SUMF1: variants seen among roughly 807,000 people sequenced by gnomAD.
SUMF1 encodes the protein formylglycine-generating enzyme.
In SUMF1, 48 loss-of-function variants were observed where a neutral mutation model predicts 47.6. That is an observed-to-expected ratio of 1.01 (90% CI 0.80 to 1.28). SUMF1 has a LOEUF of 1.28. Ranked by LOEUF, SUMF1 falls within the 50% of genes most tolerant of loss-of-function variation. The pLI, the probability that SUMF1 is intolerant of heterozygous loss-of-function variation, is 0.00. For missense variants in SUMF1, 571 were observed against 485.4 expected, an observed-to-expected ratio of 1.18 and a Z score of -1.66; for synonymous variants, 230 against 192.1, an observed-to-expected ratio of 1.20 and a Z score of -1.63.
chr3:4,277,413 G>C (rs562455395), intron 8 of SUMF1, among the ~76,000 whole-genome samples: 3 of 152,092 alleles, frequency 2.0e-5, no homozygotes, highest in African/African-American at 7.2e-5. Flanking sequence ...TTGGATCAAA[G>C]GAGAAAGATT....
At chr3:4,411,665 C>G (rs1451449600) in intron 6 of SUMF1, among the ~76,000 whole-genome samples, 16 of 145,110 alleles carry the variant, frequency 1.1e-4, no homozygotes. Flanking sequence ...AAACACAGGA[C>G]CAAAGTGCAG....
chr3:4,065,962 G>A (rs557372089), intron 9 of SUMF1, among the ~76,000 whole-genome samples: 13 of 152,172 alleles, frequency 8.5e-5, no homozygotes, highest in Admixed American at 2.0e-4. Flanking sequence ...CTGCTCACCC[G>A]CTGTCTGATC....
At chr3:4,275,132 A>G (rs929801722) in intron 8 of SUMF1, among the ~76,000 whole-genome samples, 2 of 152,168 alleles carry the variant, frequency 1.3e-5, no homozygotes. Flanking sequence ...TCTTTTCTTT[A>G]TAGTCTGCCC....
intron 3 of SUMF1, among the ~76,000 whole-genome samples, chr3:4,426,728 A>G (rs1702080672): frequency 6.6e-6 from 1 of 152,330 alleles, no homozygotes; most frequent in East Asian, 1.9e-4. Context: ...ATAAACCTCA[A>G]CCTAAAAAGA....
intron 8 of SUMF1, among the ~76,000 whole-genome samples, chr3:4,319,256 A>G (rs1417874264): frequency 6.6e-6 from 1 of 152,204 alleles, no homozygotes. Context: ...TGCTCCTGTT[A>G]CCAAAATGAC....
intron 8 of SUMF1, among the ~76,000 whole-genome samples, chr3:4,363,328 AG>A (rs2125179762): frequency 6.6e-6 from 1 of 152,326 alleles, no homozygotes; most frequent in South Asian, 2.1e-4. Flanking sequence ...AACATAGGAA[AG>A]GCTGTGGGAC....
chr3:4,280,571 T>G (rs1697507619), intron 8 of SUMF1, among the ~76,000 whole-genome samples: 1 of 151,974 alleles, frequency 6.6e-6, no homozygotes, highest in Non-Finnish European at 1.5e-5. Context: ...AGATGAAAAT[T>G]TAAAAGGTTT....
intron 8 of SUMF1, among the ~76,000 whole-genome samples, chr3:4,080,821 G>A (rs923669345): frequency 1.8e-4 from 28 of 152,034 alleles, no homozygotes; most frequent in African/African-American, 6.5e-4. Context: ...CAAATTTCAC[G>A]AAGACTTTCC....
chr3:4,358,061 C>G (rs1226575406), downstream of SUMF1, among the ~76,000 whole-genome samples: 1 of 152,054 alleles, frequency 6.6e-6, no homozygotes, highest in Non-Finnish European at 1.5e-5. Context: ...GCATTTTAAG[C>G]TGTAGGTTGA....
chr3:4,420,561 G>A (rs563514529), intron 3 of SUMF1, among the ~76,000 whole-genome samples: 40 of 151,876 alleles, frequency 2.6e-4, no homozygotes, highest in East Asian at 1.8e-3. Context: ...CAAGCCCAGC[G>A]AATTTTTTGT....
chr3:4,045,655 C>T (rs1245423560), intron 9 of SUMF1, among the ~76,000 whole-genome samples: 1 of 151,998 alleles, frequency 6.6e-6, no homozygotes. Context: ...ATTTTGTTTT[C>T]CAGATTCTGC....
chr3:4,357,577 T>TTTTATTTATTTA (rs58387595), downstream of SUMF1, among the ~76,000 whole-genome samples: 98 of 138,784 alleles, frequency 7.1e-4, no homozygotes, highest in South Asian at 1.2e-3. Context: ...CCCAACCAAC[T>TTTTATTTATTTA]TTTATTTATT....
At chr3:4,290,800 A>C (rs1284484985) in intron 8 of SUMF1, among the ~76,000 whole-genome samples, 2 of 152,180 alleles carry the variant, frequency 1.3e-5, no homozygotes, top group African/African-American at 4.8e-5. Context: ...ACGTGTACTG[A>C]AGCCAGTTCA....
At chr3:4,357,365 T>A (rs1699642987), downstream of SUMF1, among the ~76,000 whole-genome samples, 1 of 151,342 alleles carries the variant, frequency 6.6e-6, no homozygotes, top group Non-Finnish European at 1.5e-5. Flanking sequence ...ATGCAAAAAT[T>A]CTGTTTGCAG....
At chr3:4,082,750 G>A (rs184049154) in intron 8 of SUMF1, among the ~76,000 whole-genome samples, 1 of 152,076 alleles carries the variant, frequency 6.6e-6, no homozygotes, top group Non-Finnish European at 1.5e-5. Flanking sequence ...AAGAGAGAAA[G>A]AGAGATTACA....
intron 8 of SUMF1, among the ~76,000 whole-genome samples, chr3:4,109,668 A>C (rs1693246137): frequency 3.9e-5 from 6 of 151,934 alleles, no homozygotes; most frequent in Non-Finnish European, 8.8e-5. Flanking sequence ...ACTTCATTTC[A>C]TTCATTTGAT....
intron 8 of SUMF1, among the ~76,000 whole-genome samples, chr3:4,254,942 A>AG (rs1268753345): frequency 6.6e-6 from 1 of 152,172 alleles, no homozygotes; most frequent in Non-Finnish European, 1.5e-5. Flanking sequence ...AAGCCAGAAG[A>AG]GAGGGGGGGC....
intron 8 of SUMF1, among the ~76,000 whole-genome samples, chr3:4,168,212 C>T (rs2600135): frequency 0.34 from 51,843 of 151,900 alleles, 9,003 homozygotes; most frequent in East Asian, 0.4. Flanking sequence ...GTGGTCTGAA[C>T]CTTAAGGACT....
intron 8 of SUMF1, among the ~76,000 whole-genome samples, chr3:4,309,332 T>G (rs1457512652): frequency 6.6e-6 from 1 of 152,168 alleles, no homozygotes; most frequent in East Asian, 1.9e-4. Context: ...TTTTTCAGGT[T>G]AGCTTTGGAA....
Sources: gnomAD v4.1 joint callset for allele counts (sites outside exome capture counted in the v4.1 genomes callset) on GRCh38, gnomAD v4.1.1 for gene constraint, MANE v1.5 for transcripts, NCBI Gene and HGNC (gene_info 2026-07-23, HGNC 2026-07-21) for gene names.